Variants in TMEM132D observed in about 807,000 individuals in gnomAD.
TMEM132D encodes the protein transmembrane protein 132D, also known as mature OL transmembrane protein.
A neutral mutation model predicts 62.3 loss-of-function variants in TMEM132D; 21 were observed. The observed-to-expected ratio is 0.34, with a 90% CI of 0.24 to 0.49. TMEM132D has a LOEUF of 0.49. TMEM132D is among the 20% of genes least tolerant of loss of function. The probability of loss-of-function intolerance (pLI) is 0.99; values close to 1 mark genes in which losing one functional copy is unlikely to be tolerated. For missense variants in TMEM132D, 1,346 were observed against 1,402.8 expected (o/e 0.96, Z 0.65); for synonymous variants, 621 against 575.6 (o/e 1.08, Z -1.13).
At chr12:129,366,938 G>A (rs962695263) in intron 3 of TMEM132D, among the ~76,000 whole-genome samples, 2 of 152,182 alleles carry the variant, frequency 1.3e-5, no homozygotes, top group South Asian at 2.1e-4. Context: ...CAGTGGGAAC[G>A]CTTGCCTGCT....
At chr12:129,692,091 C>T (rs1278990410) in intron 2 of TMEM132D, among the ~76,000 whole-genome samples, 1 of 152,028 alleles carries the variant, frequency 6.6e-6, no homozygotes, top group Non-Finnish European at 1.5e-5. Flanking sequence ...GGAAGATGTT[C>T]TAACCGTATT....
intron 2 of TMEM132D, among the ~76,000 whole-genome samples, chr12:129,636,186 A>T (rs1284865810): frequency 6.6e-6 from 1 of 152,192 alleles, no homozygotes; most frequent in Non-Finnish European, 1.5e-5. Context: ...CTCTCAGCTA[A>T]CTCTTCAGGA....
chr12:129,154,501 C>T (rs1877173640), intron 5 of TMEM132D, among the ~76,000 whole-genome samples: 1 of 152,180 alleles, frequency 6.6e-6, no homozygotes, highest in South Asian at 2.1e-4. Flanking sequence ...GTGTCTTTGA[C>T]ATCCAGCATC....
At chr12:129,782,176 G>A (rs1364553476) in intron 1 of TMEM132D, among the ~76,000 whole-genome samples, 1 of 152,190 alleles carries the variant, frequency 6.6e-6, no homozygotes, top group Non-Finnish European at 1.5e-5. Context: ...ACACTTACTG[G>A]TTCAGCATCC....
intron 4 of TMEM132D, among the ~76,000 whole-genome samples, chr12:129,291,290 C>T (rs1413224103): frequency 6.6e-6 from 1 of 152,150 alleles, no homozygotes; most frequent in African/African-American, 2.4e-5. Flanking sequence ...GTTTCATCTT[C>T]CTGGGTTTCA....
intron 3 of TMEM132D, among the ~76,000 whole-genome samples, chr12:129,515,542 C>T: frequency 6.6e-6 from 1 of 152,110 alleles, no homozygotes; most frequent in East Asian, 1.9e-4. Context: ...ATTGGGAATA[C>T]TGCAGAAGCA....
chr12:129,383,137 C>G lies in TMEM132D; in HGVS notation c.1116-45320G>C, dbSNP rs111298262. On this transcript the variant is annotated intron_variant, in intron 3 of 8. Coordinates refer to ENST00000422113, the MANE Select transcript of TMEM132D (RefSeq NM_133448.3). Reference sequence around the variant, plus strand: ...ACCCACCAAATCAGGAGCTGCCCATCTGAGCCGCCCACTGTCGTGTGCACC... The same window carrying G: ...ACCCACCAAATCAGGAGCTGCCCATGTGAGCCGCCCACTGTCGTGTGCACC... Among the ~76,000 whole-genome samples, 1,284 of 152,304 alleles carry G rather than the reference C, an allele frequency of 8.4e-3. 23 individuals are homozygous for G. The highest frequency in any genetic ancestry group is 0.029 in the African/African-American group (1,220 of 41,560).
intron 5 of TMEM132D, among the ~76,000 whole-genome samples, chr12:129,186,195 C>T (rs10744402): frequency 6.6e-6 from 1 of 152,056 alleles, no homozygotes; most frequent in African/African-American, 2.4e-5. Context: ...AGCCTCTGCA[C>T]GTGTAAAATT....
chr12:129,477,467 C>G (rs1398447476), intron 3 of TMEM132D, among the ~76,000 whole-genome samples: 1 of 152,186 alleles, frequency 6.6e-6, no homozygotes, highest in Non-Finnish European at 1.5e-5. Context: ...TATTCCAAAA[C>G]TATCTGCTCC....
rs184777140 is a variant in TMEM132D at position 129,301,804 on chromosome 12, C to T, written c.1299+35830G>A. On this transcript the variant is annotated intron_variant, in intron 4 of 8. Coordinates refer to ENST00000422113, the MANE Select transcript of TMEM132D (RefSeq NM_133448.3). ...GGTTTAGGGTGATTAAATGAAACGC[C>T]CAACACCAGAACAGACACAGGATTC... Among the ~76,000 whole-genome samples the T allele has an allele frequency of 1.4e-3, 218 of 152,124 alleles. 1 individual carries two copies. The highest frequency in any genetic ancestry group is 2.8e-3 in the Non-Finnish European group (187 of 67,988).
chr12:129,439,073 A>C (rs1050032152), intron 3 of TMEM132D, among the ~76,000 whole-genome samples: 1 of 152,298 alleles, frequency 6.6e-6, no homozygotes, highest in East Asian at 1.9e-4. Context: ...CAAGATGTAC[A>C]CTTTCCTTGC....
chr12:129,423,549 A>T (rs1215426901), intron 3 of TMEM132D, among the ~76,000 whole-genome samples: 2 of 152,170 alleles, frequency 1.3e-5, no homozygotes, highest in African/African-American at 2.4e-5. Context: ...ATGATTAATT[A>T]TCAATGTCTT....
intron 1 of TMEM132D, among the ~76,000 whole-genome samples, chr12:129,718,002 T>C (rs2137241538): frequency 6.6e-6 from 1 of 152,320 alleles, no homozygotes; most frequent in South Asian, 2.1e-4. Flanking sequence ...AGGTGCGTTG[T>C]GTGTTAGCTG....
intron 5 of TMEM132D, among the ~76,000 whole-genome samples, chr12:129,134,014 T>G (rs758112268): frequency 9.2e-5 from 14 of 151,914 alleles, no homozygotes; most frequent in Non-Finnish European, 1.9e-4. Context: ...GAGATGAAGA[T>G]ATATATATAT....
chr12:129,508,501 C>T lies in TMEM132D; in HGVS notation c.1115+22558G>A, dbSNP rs140273732. ...TTCTCTTCCTCTTCCTCCTCCTTCT[C>T]GTTGCAAACAGAACGTATCGCAGAA... On this transcript the variant is annotated intron_variant, in intron 3 of 8. Coordinates refer to ENST00000422113, the MANE Select transcript of TMEM132D (RefSeq NM_133448.3). Among the ~76,000 whole-genome samples, 31 of 152,266 alleles carry T rather than the reference C, an allele frequency of 2.0e-4. No homozygotes were observed. The East Asian group carries it at 5.4e-3, about 27-fold the overall frequency.
chr12:129,137,076 CCAT>C (rs950309426), intron 5 of TMEM132D, among the ~76,000 whole-genome samples: 60 of 150,762 alleles, frequency 4.0e-4, no homozygotes, highest in Non-Finnish European at 8.0e-4. Flanking sequence ...ACCACTATCA[CCAT>C]CATCATTACT....
At chr12:129,368,826 G>A (rs890981387) in intron 3 of TMEM132D, among the ~76,000 whole-genome samples, 24 of 151,330 alleles carry the variant, frequency 1.6e-4, no homozygotes, top group African/African-American at 5.3e-4. Context: ...CTGGCCAATC[G>A]GCTGTAAGCA....
At chr12:129,476,219 T>A (rs754420286) in intron 3 of TMEM132D, among the ~76,000 whole-genome samples, 2 of 152,204 alleles carry the variant, frequency 1.3e-5, no homozygotes, top group Non-Finnish European at 2.9e-5. Flanking sequence ...TGTGTGTCCA[T>A]CCACATGGGA....
At position 129,073,721 on chromosome 12, in the gene TMEM132D, G is replaced by A. The variant is rs550251624; in HGVS notation, c.*154C>T. 158 of 644,524 alleles carry A rather than the reference G, an allele frequency of 2.5e-4. No homozygotes were observed. The highest frequency in any genetic ancestry group is 8.7e-4 in the Middle Eastern group (2 of 2,304). 39.9% of individuals were successfully genotyped at this position (644,524 alleles called of 1,614,324 possible). On this transcript the variant is annotated 3_prime_UTR_variant, in exon 9 of 9. Transcript: ENST00000422113. The stretch of plus-strand genomic sequence containing the variant: ...TGCGTCGATGCGGACTCCAGGCCTC[G>A]CCGCCGAGCCGGGGTCATTGGCTGA...
Sources: allele counts gnomAD v4.1 joint callset (sites outside exome capture counted in the v4.1 genomes callset), GRCh38; gene constraint gnomAD v4.1.1; transcripts MANE v1.5; gene names NCBI Gene and HGNC (gene_info 2026-07-23, HGNC 2026-07-21).